CFAP44: variants seen among roughly 807,000 people sequenced by gnomAD.
The protein encoded by CFAP44 is cilia and flagella associated protein 44, also known as cilia- and flagella-associated protein 44.
Under a neutral mutation model 216.2 loss-of-function variants are expected in CFAP44, and 134 were observed. The ratio of observed to expected loss-of-function variants is 0.62; its 90% confidence interval spans 0.54 to 0.72. The LOEUF (loss-of-function observed/expected upper bound fraction) is 0.72. Ranked by LOEUF, CFAP44 falls within the 30% of genes least tolerant of loss-of-function variation. CFAP44 has a pLI of 0.00. For synonymous variants in CFAP44, 700 were observed against 727.6 expected, an observed-to-expected ratio of 0.96 and a Z score of 0.61; for missense variants, 2,035 against 2,182.1, an observed-to-expected ratio of 0.93 and a Z score of 1.34.
intron 25 of CFAP44, 128 bp downstream of exon 25, chr3:113,333,278 T>C: frequency 1.2e-6 from 1 of 836,662 alleles, no homozygotes; most frequent in Non-Finnish European, 1.8e-6. Flanking sequence ...CATGGAAGTC[T>C]TTTCCAGTTC....
chr3:113,399,607 A>G (rs1264201197), intron 13 of CFAP44, among the ~76,000 whole-genome samples: 1 of 152,190 alleles, frequency 6.6e-6, no homozygotes, highest in African/African-American at 2.4e-5. Context: ...AATAGAATGA[A>G]TGAAATCAGA....
chr3:113,362,935 A>C (rs915909391), intron 21 of CFAP44: 3 of 1,294,500 alleles, frequency 2.3e-6, no homozygotes, highest in Non-Finnish European at 2.9e-6. Context: ...GATGTAAAAC[A>C]ATTTGTGTCA....
At chr3:113,425,130 G>C (rs1393966643) in intron 4 of CFAP44, among the ~76,000 whole-genome samples, 1 of 152,104 alleles carries the variant, frequency 6.6e-6, no homozygotes, top group Non-Finnish European at 1.5e-5. Flanking sequence ...GCCATGAAGA[G>C]AGAAAATTCC....
chr3:113,333,939 TA>T (rs919358281), intron 24 of CFAP44, among the ~76,000 whole-genome samples: 1 of 151,918 alleles, frequency 6.6e-6, no homozygotes, highest in African/African-American at 2.4e-5. Context: ...TTTTAATGAC[TA>T]AAAAGTCAAT....
intron 13 of CFAP44, among the ~76,000 whole-genome samples, chr3:113,398,989 C>CTTCT (rs1934065935): frequency 6.6e-6 from 1 of 152,160 alleles, no homozygotes; most frequent in Non-Finnish European, 1.5e-5. Flanking sequence ...AGGTCATCAG[C>CTTCT]TTCTGCCTTT....
intron 32 of CFAP44, among the ~76,000 whole-genome samples, chr3:113,298,366 G>C (rs1949902161): frequency 1.3e-5 from 2 of 152,222 alleles, no homozygotes; most frequent in Non-Finnish European, 2.9e-5. Context: ...TCACCCTCAT[G>C]TTCTAGGCTC....
chr3:113,388,450 A>C (rs1933708865), intron 15 of CFAP44, among the ~76,000 whole-genome samples: 1 of 152,230 alleles, frequency 6.6e-6, no homozygotes, highest in African/African-American at 2.4e-5. Context: ...ACCGTCACTA[A>C]AACGTAGATA....
intron 15 of CFAP44, among the ~76,000 whole-genome samples, chr3:113,389,933 A>G (rs1559932902): frequency 2.0e-5 from 3 of 151,836 alleles, no homozygotes; most frequent in Admixed American, 6.6e-5. Flanking sequence ...AACATTTAAG[A>G]ATACCAATCA....
intron 17 of CFAP44, among the ~76,000 whole-genome samples, chr3:113,376,722 A>C (rs948624036): frequency 1.3e-5 from 2 of 152,234 alleles, no homozygotes; most frequent in Non-Finnish European, 1.5e-5. Context: ...TAGGAGGTGA[A>C]TAAGTTAAGC....
Position 113,427,255 on chromosome 3 carries a change from T to C in CFAP44, c.185A>G (p.Asp62Gly). 2 of 1,613,502 alleles carry C rather than the reference T, an allele frequency of 1.2e-6. No individual in the cohort carries two copies. Among genetic ancestry groups the C allele is most frequent in the Non-Finnish European group, 1.7e-6 (2 of 1,179,778 alleles). The change falls in exon 3 of 35, where the codon GAC (aspartate) becomes GGC (glycine). Residue 62 changes from aspartate (D) to glycine (G), a missense_variant. Asp to Gly is a moderately conservative substitution (Grantham distance 94). Transcript: ENST00000393845. ...TCCTTCCAAACGTTCCTCATCTGAG[T>C]CTTCTTCTAAATATGATCCTTCCCC... ...TKGEGSYLEEDSDEERLEGSL... is the reference protein window; with the variant it reads ...TKGEGSYLEEGSDEERLEGSL...
chr3:113,316,897 C>T (rs1950093422), intron 28 of CFAP44, among the ~76,000 whole-genome samples: 1 of 148,960 alleles, frequency 6.7e-6, no homozygotes, highest in African/African-American at 2.5e-5. Flanking sequence ...ACAGGACAAA[C>T]AGACAAGATG....
intron 29 of CFAP44, among the ~76,000 whole-genome samples, chr3:113,307,095 G>A (rs1949992855): frequency 6.6e-6 from 1 of 152,174 alleles, no homozygotes. Context: ...TATTGAGACT[G>A]CAAGAAATTG....
chr3:113,381,713 T>A (rs1231043918), intron 15 of CFAP44, among the ~76,000 whole-genome samples: 2 of 152,234 alleles, frequency 1.3e-5, no homozygotes, highest in African/African-American at 2.4e-5. Context: ...AGATACTTTA[T>A]TTGAAATGTT....
At chr3:113,415,951 A>G (rs1012437150) in intron 6 of CFAP44, among the ~76,000 whole-genome samples, 1 of 152,148 alleles carries the variant, frequency 6.6e-6, no homozygotes, top group East Asian at 1.9e-4. Context: ...TAATATTGAC[A>G]GTGGGGTGTT....
chr3:113,351,123 AT>A (rs781192617), intron 22 of CFAP44, among the ~76,000 whole-genome samples: 6 of 152,246 alleles, frequency 3.9e-5, no homozygotes, highest in Non-Finnish European at 5.9e-5. Context: ...TCAGCCAAAC[AT>A]TAAAGTACTT....
At chr3:113,394,941 G>A (rs939148096) in intron 15 of CFAP44, among the ~76,000 whole-genome samples, 1 of 152,138 alleles carries the variant, frequency 6.6e-6, no homozygotes, top group Non-Finnish European at 1.5e-5. Context: ...TTTTCTCCTT[G>A]AGAGACTACT....
chr3:113,328,723 A>AAAAAAAAAAAAAG (rs1950214623), intron 26 of CFAP44, among the ~76,000 whole-genome samples: 1 of 143,136 alleles, frequency 7.0e-6, no homozygotes, highest in African/African-American at 2.7e-5. Context: ...AAAAAAAAAA[A>AAAAAAAAAAAAAG]AAAAACAGAG....
At chr3:113,352,138 G>A (rs1054982143) in intron 22 of CFAP44, among the ~76,000 whole-genome samples, 2 of 152,152 alleles carry the variant, frequency 1.3e-5, no homozygotes, top group Non-Finnish European at 2.9e-5. Flanking sequence ...TCTAGCTAGA[G>A]GATTGTAAAT....
chr3:113,300,010 GAC>G (rs1477664298), intron 32 of CFAP44, among the ~76,000 whole-genome samples: 1 of 152,214 alleles, frequency 6.6e-6, no homozygotes, highest in East Asian at 1.9e-4. Context: ...CAGCCTGGAA[GAC>G]AGAGTGAGAC....
Sources: gnomAD v4.1 joint callset for allele counts (sites outside exome capture counted in the v4.1 genomes callset) on GRCh38, gnomAD v4.1.1 for gene constraint, MANE v1.5 for transcripts, NCBI Gene and HGNC (gene_info 2026-07-23, HGNC 2026-07-21) for gene names.